DNAJB6: variants seen among roughly 807,000 people sequenced by gnomAD.
DNAJB6 encodes the protein DnaJ heat shock protein family (Hsp40) member B6, also known as dnaJ homolog subfamily B member 6.
A neutral mutation model predicts 42.7 loss-of-function variants in DNAJB6; 16 were observed. That is an observed-to-expected ratio of 0.37 (90% confidence interval 0.25 to 0.57). The LOEUF (loss-of-function observed/expected upper bound fraction) is 0.57. DNAJB6 is among the 20% of genes least tolerant of loss of function. The pLI, the probability that DNAJB6 is intolerant of heterozygous loss-of-function variation, is 0.74. For synonymous variants in DNAJB6, 170 were observed against 163.5 expected, an observed-to-expected ratio of 1.04 and a Z score of -0.30; for missense variants, 347 against 416.8, an observed-to-expected ratio of 0.83 and a Z score of 1.46.
At chr7:157,395,950 T>G (rs1209492976) in intron 8 of DNAJB6, among the ~76,000 whole-genome samples, 7 of 146,624 alleles carry the variant, frequency 4.8e-5, no homozygotes, top group Non-Finnish European at 6.0e-5. Flanking sequence ...GCCTGTAATT[T>G]TTTTTTTTTT....
intron 1 of DNAJB6, among the ~76,000 whole-genome samples, chr7:157,352,332 A>G (rs1268652598): frequency 6.6e-6 from 1 of 151,854 alleles, no homozygotes; most frequent in Non-Finnish European, 1.5e-5. Flanking sequence ...CAAAATATAT[A>G]CATATATATG....
At chr7:157,374,479 G>A (rs1008750379) in intron 5 of DNAJB6, among the ~76,000 whole-genome samples, 36 of 151,924 alleles carry the variant, frequency 2.4e-4, no homozygotes, top group African/African-American at 8.0e-4. Context: ...GGTTGGTCTC[G>A]AACTCCTGAG....
chr7:157,357,518 C>T (rs1799371188), intron 1 of DNAJB6, among the ~76,000 whole-genome samples: 1 of 151,524 alleles, frequency 6.6e-6, no homozygotes, highest in South Asian at 2.1e-4. Context: ...ACCATGTTGG[C>T]CAGGCTGATC....
At chr7:157,345,932 G>C (rs746659839) in intron 1 of DNAJB6, among the ~76,000 whole-genome samples, 6 of 152,072 alleles carry the variant, frequency 3.9e-5, no homozygotes, top group Non-Finnish European at 5.9e-5. Flanking sequence ...GGTGAGGGAA[G>C]CTGGTTTTTC....
intron 1 of DNAJB6, chr7:157,337,805 A>G (rs1798128024): frequency 6.6e-6 from 1 of 152,214 alleles, no homozygotes; most frequent in Non-Finnish European, 1.5e-5. Flanking sequence ...ACTCTTACCT[A>G]AGGAAGGTCA....
intron 8 of DNAJB6, among the ~76,000 whole-genome samples, chr7:157,403,169 G>C (rs1175650200): frequency 6.6e-6 from 1 of 152,182 alleles, no homozygotes; most frequent in Non-Finnish European, 1.5e-5. Flanking sequence ...TGCATTCTAT[G>C]AGTCTCTGAT....
chr7:157,395,329 TCTGA>T (rs1554466463), intron 8 of DNAJB6, among the ~76,000 whole-genome samples: 1 of 152,248 alleles, frequency 6.6e-6, no homozygotes, highest in Non-Finnish European at 1.5e-5. Context: ...TCATCTGTTA[TCTGA>T]CTTTTAACAT....
At chr7:157,406,211 C>A (rs891971362) in intron 8 of DNAJB6, among the ~76,000 whole-genome samples, 1 of 152,252 alleles carries the variant, frequency 6.6e-6, no homozygotes, top group Non-Finnish European at 1.5e-5. Flanking sequence ...TGCACCGTGC[C>A]CACGGGAAGC....
At chr7:157,397,937 G>A (rs930810013) in intron 8 of DNAJB6, among the ~76,000 whole-genome samples, 4 of 152,230 alleles carry the variant, frequency 2.6e-5, no homozygotes, top group African/African-American at 7.2e-5. Flanking sequence ...TACTTGAACC[G>A]GGAGGCAGAG....
intron 8 of DNAJB6, among the ~76,000 whole-genome samples, chr7:157,398,433 G>T (rs966474151): frequency 1.3e-5 from 2 of 152,222 alleles, no homozygotes; most frequent in Non-Finnish European, 2.9e-5. Context: ...GTGTGTATTT[G>T]GGAAAAGCGT....
intron 5 of DNAJB6, among the ~76,000 whole-genome samples, chr7:157,373,474 C>A (rs550106525): frequency 1.3e-5 from 2 of 152,310 alleles, no homozygotes; most frequent in South Asian, 4.2e-4. Context: ...CCTCAGCCTC[C>A]CAAGTAGCTG....
intron 1 of DNAJB6, among the ~76,000 whole-genome samples, chr7:157,349,886 G>A (rs1798880029): frequency 6.6e-6 from 1 of 151,978 alleles, no homozygotes; most frequent in Non-Finnish European, 1.5e-5. Context: ...CAGGTGATCT[G>A]TCCGCCTCAG....
chr7:157,341,498 A>AT (rs1404964602), intron 1 of DNAJB6, among the ~76,000 whole-genome samples: 3 of 152,060 alleles, frequency 2.0e-5, no homozygotes, highest in Non-Finnish European at 2.9e-5. Context: ...ACTACATATG[A>AT]TTTTTCCCCC....
intron 1 of DNAJB6, among the ~76,000 whole-genome samples, chr7:157,341,083 A>G (rs2116845859): frequency 6.6e-6 from 1 of 151,806 alleles, no homozygotes; most frequent in South Asian, 2.1e-4. Context: ...CGGCCTGTCA[A>G]AGTGCTAGAA....
intron 1 of DNAJB6, among the ~76,000 whole-genome samples, chr7:157,342,079 C>T (rs1318506664): frequency 6.6e-6 from 1 of 152,140 alleles, no homozygotes; most frequent in African/African-American, 2.4e-5. Context: ...GTTGGCCAGA[C>T]TGGTTTGGAA....
chr7:157,346,025 C>G (rs964637742), intron 1 of DNAJB6, among the ~76,000 whole-genome samples: 7 of 121,078 alleles, frequency 5.8e-5, no homozygotes, highest in Non-Finnish European at 9.2e-5. Context: ...CCTTCCAGTC[C>G]TCCTGAGGGC....
chr7:157,410,508 T>G, intron 9 of DNAJB6: 1 of 174,468 alleles, frequency 5.7e-6, no homozygotes. Flanking sequence ...CCCCGTGGGG[T>G]TCTTGGCCGC....
chr7:157,363,832 G>T (rs1025410118), intron 3 of DNAJB6, among the ~76,000 whole-genome samples: 4 of 152,162 alleles, frequency 2.6e-5, no homozygotes, highest in Admixed American at 2.6e-4. Context: ...TCACAAATGG[G>T]TGAGGGGTCA....
intron 9 of DNAJB6, chr7:157,413,150 A>C (rs1796022557): frequency 6.6e-6 from 1 of 151,654 alleles, no homozygotes; most frequent in Non-Finnish European, 1.5e-5. Context: ...CAGAGGACAG[A>C]GGCACCACCG....
Sources: gnomAD v4.1 joint callset for allele counts (sites outside exome capture counted in the v4.1 genomes callset) on GRCh38, gnomAD v4.1.1 for gene constraint, MANE v1.5 for transcripts, NCBI Gene and HGNC (gene_info 2026-07-23, HGNC 2026-07-21) for gene names.